The following HSD11B1 variants were observed in gnomAD, a reference collection of about 807,000 sequenced individuals.
The protein encoded by HSD11B1 is 11-beta-hydroxysteroid dehydrogenase 1.
A neutral mutation model predicts 22.1 loss-of-function variants in HSD11B1; 15 were observed. That is an observed-to-expected ratio of 0.68 (90% CI 0.45 to 1.04). The LOEUF (loss-of-function observed/expected upper bound fraction) is 1.04, where lower values mean the gene tolerates loss of function less well. HSD11B1 is among the 50% of genes least tolerant of loss of function. HSD11B1 has a pLI of 0.00. For missense variants in HSD11B1, 281 were observed against 357.6 expected, an observed-to-expected ratio of 0.79 and a Z score of 1.73; for synonymous variants, 122 against 125.2, an observed-to-expected ratio of 0.97 and a Z score of 0.17.
At chr1:209,695,356 T>C (rs1007270140) in intron 1 of HSD11B1, among the ~76,000 whole-genome samples, 12 of 152,194 alleles carry the variant, frequency 7.9e-5, no homozygotes, top group African/African-American at 2.9e-4. Flanking sequence ...GAATCGACTG[T>C]ACTTGGTGAT....
upstream of HSD11B1, among the ~76,000 whole-genome samples, chr1:209,702,219 A>G (rs2076830616): frequency 6.6e-6 from 1 of 152,214 alleles, no homozygotes. Flanking sequence ...GGGGGATGGG[A>G]TTGATCTGTT....
chr1:209,720,047 T>G (rs779513995), intron 4 of HSD11B1, among the ~76,000 whole-genome samples: 5 of 152,182 alleles, frequency 3.3e-5, no homozygotes, highest in African/African-American at 7.2e-5. Context: ...TGTGTACCTA[T>G]GTAACAAACC....
intron 5 of HSD11B1, among the ~76,000 whole-genome samples, chr1:209,733,663 G>C (rs1224322225): frequency 2.0e-5 from 3 of 152,084 alleles, no homozygotes; most frequent in African/African-American, 7.2e-5. Context: ...CCAAATACAA[G>C]TTTATCTAAA....
intron 1 of HSD11B1, among the ~76,000 whole-genome samples, chr1:209,696,980 G>A (rs893795567): frequency 4.6e-5 from 7 of 152,200 alleles, no homozygotes; most frequent in Non-Finnish European, 7.3e-5. Flanking sequence ...TTTTGCATAA[G>A]GCAATGAGGG....
In HSD11B1 at chr1:209,695,313, T is replaced by C. The variant is rs552690570; in HGVS notation, c.-49+9028T>C. ...CACAGATGGTCACAAAGGGTGAAGA[T>C]TTGGAGATGGTTCTAGAGATACTTA... On this transcript the variant is annotated intron_variant, in intron 1 of 6. Transcript: ENST00000261465. Among the ~76,000 whole-genome samples, 3 of 152,204 alleles carry C rather than the reference T, an allele frequency of 2.0e-5. No individual in the cohort carries two copies. In the South Asian group the frequency reaches 6.2e-4, roughly 32 times the overall value.
Position 209,734,495 on chromosome 1 carries a change from A to C in HSD11B1, c.853A>C (p.Asn285His), listed in dbSNP as rs762207408. The C allele has an allele frequency of 6.2e-7, 1 of 1,613,916 alleles. No individual in the cohort carries two copies. Among genetic ancestry groups the C allele is most frequent in the Non-Finnish European group, 8.5e-7 (1 of 1,179,836 alleles). ...ILEFLYSTSYNMDRFINK is the reference protein window; with the variant it reads ...ILEFLYSTSYHMDRFINK Reference sequence around the variant, plus strand: ...GGAATTTCTCTACTCAACGAGCTATAATATGGACAGATTCATAAACAAGTA... The same window carrying C: ...GGAATTTCTCTACTCAACGAGCTATCATATGGACAGATTCATAAACAAGTA... The change falls in exon 6 of 6, where the codon AAT becomes CAT. Residue 285 changes from asparagine (N) to histidine (H), a missense_variant. Physicochemically the swap from Asn to His is moderately conservative, Grantham distance 68. Coordinates refer to ENST00000367027, the MANE Select transcript of HSD11B1 (RefSeq NM_005525.4).
Position 209,705,867 on chromosome 1 carries a change from G to C in HSD11B1, c.145G>C (p.Glu49Gln), listed in dbSNP as rs1414755318. The C allele has an allele frequency of 5.0e-6, 8 of 1,614,064 alleles. No individual in the cohort carries two copies. Among genetic ancestry groups the C allele is most frequent in the Non-Finnish European group, 6.8e-6 (8 of 1,179,918 alleles). The part of the protein sequence containing the change: ...VTGASKGIGR[E>Q]MAYHLAKMGA... ...AGGGGCCAGCAAAGGGATCGGAAGA[G>C]AGATGGCTTATCATCTGGCGAAGAT... The change falls in exon 2 of 6, where the codon GAG becomes CAG. Residue 49 changes from glutamate (E) to glutamine (Q), a missense_variant. By Grantham distance (29) the Glu-to-Gln change is conservative (BLOSUM62 2). Transcript: ENST00000367027.
chr1:209,715,421 A>AC (rs894341801), intron 4 of HSD11B1, among the ~76,000 whole-genome samples: 3 of 152,118 alleles, frequency 2.0e-5, no homozygotes, highest in African/African-American at 7.2e-5. Context: ...CTAAAAAAAA[A>AC]AACAACAACA....
upstream of HSD11B1, among the ~76,000 whole-genome samples, chr1:209,704,236 T>TG (rs1346938671): frequency 6.6e-6 from 1 of 152,216 alleles, no homozygotes; most frequent in African/African-American, 2.4e-5. Flanking sequence ...CCATTGCACT[T>TG]GCCTTAGAGT....
chr1:209,716,381 C>A (rs2076930383), intron 4 of HSD11B1, among the ~76,000 whole-genome samples: 1 of 146,896 alleles, frequency 6.8e-6, no homozygotes, highest in South Asian at 2.1e-4. Flanking sequence ...AGGTGAAAGA[C>A]CTCTACAGGA....
chr1:209,695,475 T>TA (rs1329651622), intron 1 of HSD11B1, among the ~76,000 whole-genome samples: 1 of 151,948 alleles, frequency 6.6e-6, no homozygotes, highest in Non-Finnish European at 1.5e-5. Flanking sequence ...AAATGGTGAG[T>TA]AAAAATAACA....
intron 4 of HSD11B1, 55 bp from the exon 5 acceptor site, chr1:209,732,381 G>A (rs1201866176): frequency 1.5e-5 from 24 of 1,604,356 alleles, no homozygotes; most frequent in Non-Finnish European, 2.0e-5. Flanking sequence ...CTACAGCTCT[G>A]TAAGAAGGTG....
chr1:209,725,756 G>A lies in HSD11B1; in HGVS notation c.518-6680G>A, dbSNP rs79114660. Among the ~76,000 whole-genome samples the A allele has an allele frequency of 6.3e-3, 952 of 152,254 alleles. 7 individuals are homozygous for A. Among genetic ancestry groups the A allele is most frequent in the African/African-American group, 0.02 (839 of 41,540 alleles). ...CTTTCCTACTGAACAGTTTAGCACA[G>A]TCCTCTACTCCATAAACAGACTAGA... On this transcript the variant is annotated intron_variant, in intron 4 of 5. Coordinates refer to ENST00000367027, the MANE Select transcript of HSD11B1 (RefSeq NM_005525.4).
At chr1:209,709,155 G>A (rs1216056939) in intron 4 of HSD11B1, among the ~76,000 whole-genome samples, 1 of 152,176 alleles carries the variant, frequency 6.6e-6, no homozygotes. Context: ...GTACTGGGAT[G>A]GAGTTTTAAT....
intron 4 of HSD11B1, among the ~76,000 whole-genome samples, chr1:209,718,053 A>C (rs1451702979): frequency 6.6e-6 from 1 of 152,124 alleles, no homozygotes; most frequent in Non-Finnish European, 1.5e-5. Flanking sequence ...TATCTCATGA[A>C]GGTAGAGAGT....
chr1:209,722,690 G>A (rs2076973975), intron 4 of HSD11B1, among the ~76,000 whole-genome samples: 1 of 152,134 alleles, frequency 6.6e-6, no homozygotes. Context: ...GAAAAATGGG[G>A]GGCAGGATCC....
intron 4 of HSD11B1, among the ~76,000 whole-genome samples, chr1:209,721,802 G>A (rs1170418553): frequency 6.6e-6 from 1 of 152,186 alleles, no homozygotes; most frequent in African/African-American, 2.4e-5. Context: ...GGACTACATG[G>A]TTGATCCCAC....
Position 209,734,377 on chromosome 1 carries a change from C to A in HSD11B1, c.735C>A (p.Ile245=), listed in dbSNP as rs1265413254. Residue 245 remains isoleucine, a synonymous_variant, in exon 6 of 6, where the codon ATC becomes ATA. Transcript: ENST00000367027. ...CAAAGGAGGAATGTGCCCTGGAGATCATCAAAGGGGGAGCTCTGCGCCAAG... is the reference window on the plus strand; with the variant it reads ...CAAAGGAGGAATGTGCCCTGGAGATAATCAAAGGGGGAGCTCTGCGCCAAG... ...AAPKEECALE[I]IKGGALRQEE... 2 of 1,613,976 alleles carry A rather than the reference C, an allele frequency of 1.2e-6. No individual in the cohort carries two copies. The highest frequency in any genetic ancestry group is 1.7e-6 in the Non-Finnish European group (2 of 1,179,988).
intron 1 of HSD11B1, among the ~76,000 whole-genome samples, chr1:209,692,838 T>C (rs997540210): frequency 6.6e-6 from 1 of 152,276 alleles, no homozygotes; most frequent in Admixed American, 6.5e-5. Flanking sequence ...CTGCCCTTAG[T>C]TCCCCCAGAT....
Sources: allele counts gnomAD v4.1 joint callset (sites outside exome capture counted in the v4.1 genomes callset), GRCh38; gene constraint gnomAD v4.1.1; transcripts MANE v1.5; gene names NCBI Gene and HGNC (gene_info 2026-07-23, HGNC 2026-07-21).